ADAMTSL1: variants seen among roughly 807,000 people sequenced by gnomAD.
The protein encoded by ADAMTSL1 is ADAMTS like 1, also known as ADAMTS-like protein 1.
In ADAMTSL1, 126 loss-of-function variants were observed where a neutral mutation model predicts 201.8. The observed-to-expected ratio is 0.62, with a 90% CI of 0.54 to 0.72. The LOEUF (loss-of-function observed/expected upper bound fraction) is 0.72, where lower values mean the gene tolerates loss of function less well. Ranked by LOEUF, ADAMTSL1 falls within the 30% of genes least tolerant of loss-of-function variation. ADAMTSL1 has a pLI of 0.00. For missense variants in ADAMTSL1, 2,679 were observed against 2,277.8 expected, an observed-to-expected ratio of 1.18 and a Z score of -3.59; for synonymous variants, 1,121 against 903.4, an observed-to-expected ratio of 1.24 and a Z score of -4.32.
At chr9:18,506,310 T>C (rs1239926832) in intron 2 of ADAMTSL1, among the ~76,000 whole-genome samples, 7 of 152,246 alleles carry the variant, frequency 4.6e-5, no homozygotes, top group Non-Finnish European at 7.3e-5. Context: ...ACTGATAATA[T>C]TCATACATCA....
intron 2 of ADAMTSL1, among the ~76,000 whole-genome samples, chr9:18,225,505 T>A (rs1220855599): frequency 6.6e-6 from 1 of 152,176 alleles, no homozygotes; most frequent in Non-Finnish European, 1.5e-5. Flanking sequence ...TAGATATATT[T>A]GTTAAAATCC....
At chr9:18,516,115 A>C (rs1328008779) in intron 2 of ADAMTSL1, among the ~76,000 whole-genome samples, 1 of 152,080 alleles carries the variant, frequency 6.6e-6, no homozygotes, top group Non-Finnish European at 1.5e-5. Context: ...AGAAAAAGAA[A>C]GATTTCCTAA....
intron 2 of ADAMTSL1, among the ~76,000 whole-genome samples, chr9:18,274,766 G>A (rs1406436661): frequency 6.6e-6 from 1 of 152,144 alleles, no homozygotes; most frequent in Non-Finnish European, 1.5e-5. Context: ...ATAAAAGATA[G>A]TAAGTAAATG....
At chr9:18,026,460 A>C (rs1360550935) in intron 1 of ADAMTSL1, among the ~76,000 whole-genome samples, 2 of 152,068 alleles carry the variant, frequency 1.3e-5, no homozygotes. Flanking sequence ...GTCTATTGAG[A>C]TGATAATGTG....
At chr9:17,994,964 T>A (rs1238373839) in intron 1 of ADAMTSL1, among the ~76,000 whole-genome samples, 2 of 152,068 alleles carry the variant, frequency 1.3e-5, no homozygotes, top group Non-Finnish European at 2.9e-5. Flanking sequence ...AGAAAGAGAT[T>A]AACAATTTTT....
intron 5 of ADAMTSL1, among the ~76,000 whole-genome samples, chr9:18,632,983 C>T (rs1826872535): frequency 6.6e-6 from 1 of 152,160 alleles, no homozygotes; most frequent in African/African-American, 2.4e-5. Context: ...AATGTTACCA[C>T]ACCCTGTCTT....
chr9:18,616,222 G>T (rs1825691111), intron 4 of ADAMTSL1, among the ~76,000 whole-genome samples: 1 of 152,088 alleles, frequency 6.6e-6, no homozygotes, highest in Non-Finnish European at 1.5e-5. Flanking sequence ...ATGGGGTTTT[G>T]CCATACTGGC....
chr9:18,827,370 C>T (rs1408197100), intron 22 of ADAMTSL1, among the ~76,000 whole-genome samples: 2 of 151,926 alleles, frequency 1.3e-5, no homozygotes, highest in Non-Finnish European at 1.5e-5. Context: ...AAACTTTACA[C>T]TTCTGTTTTC....
chr9:18,237,577 G>C (rs11795249), intron 2 of ADAMTSL1, among the ~76,000 whole-genome samples: 6,159 of 152,230 alleles, frequency 0.04, 159 homozygotes, highest in Non-Finnish European at 0.055. Flanking sequence ...ACAACGTCCT[G>C]TTATATAGAA....
At position 18,512,670 on chromosome 9, in the gene ADAMTSL1, G is replaced by T. The variant is rs541828718; in HGVS notation, c.191+7714G>T. ...TGATTATAGTTGCAAGATATTTTAA[G>T]AACTAAGAGAAGTTCCCCCAGTTCT... On this transcript the variant is annotated intron_variant, in intron 2 of 28. Coordinates refer to ENST00000380548, the MANE Select transcript of ADAMTSL1 (RefSeq NM_001040272.6). Among the ~76,000 whole-genome samples the T allele has an allele frequency of 4.6e-5, 7 of 152,216 alleles. No homozygotes were observed. The South Asian group carries it at 1.2e-3, about 27-fold the overall frequency.
chr9:18,434,308 T>G (rs1380818121), intron 2 of ADAMTSL1, among the ~76,000 whole-genome samples: 2 of 152,150 alleles, frequency 1.3e-5, no homozygotes, highest in Admixed American at 1.3e-4. Flanking sequence ...AGAAATGATA[T>G]TATTCCCAGA....
At chr9:18,689,004 T>TTAGGATACATC (rs1475108155) in intron 13 of ADAMTSL1, among the ~76,000 whole-genome samples, 8 of 151,956 alleles carry the variant, frequency 5.3e-5, no homozygotes, top group Non-Finnish European at 1.0e-4. Context: ...GTTGTTAGAT[T>TTAGGATACATC]TAGGATACAT....
intron 7 of ADAMTSL1, among the ~76,000 whole-genome samples, chr9:18,646,793 G>A (rs374185513): frequency 1.3e-5 from 2 of 152,108 alleles, no homozygotes; most frequent in African/African-American, 2.4e-5. Context: ...CGGTTTGCCA[G>A]TATTTTATTG....
intron 13 of ADAMTSL1, among the ~76,000 whole-genome samples, chr9:18,687,876 A>G: frequency 6.6e-6 from 1 of 152,216 alleles, no homozygotes; most frequent in Non-Finnish European, 1.5e-5. Context: ...GTTGCAGTAA[A>G]CACCATGCAC....
intron 2 of ADAMTSL1, among the ~76,000 whole-genome samples, chr9:18,304,060 G>A (rs1314727289): frequency 6.6e-6 from 1 of 151,942 alleles, no homozygotes; most frequent in Non-Finnish European, 1.5e-5. Flanking sequence ...AATCTTTCAG[G>A]GTCTATTTAT....
At chr9:18,595,795 C>G (rs746061676) in intron 4 of ADAMTSL1, among the ~76,000 whole-genome samples, 3 of 152,206 alleles carry the variant, frequency 2.0e-5, no homozygotes, top group African/African-American at 7.2e-5. Context: ...AGGCCAAATG[C>G]GGCTGTAGCC....
intron 1 of ADAMTSL1, among the ~76,000 whole-genome samples, chr9:18,039,945 T>G (rs1456933284): frequency 1.3e-5 from 2 of 152,210 alleles, no homozygotes; most frequent in African/African-American, 2.4e-5. Flanking sequence ...TCTTTAGACA[T>G]ATGCTACTAT....
intron 22 of ADAMTSL1, among the ~76,000 whole-genome samples, chr9:18,828,315 T>C (rs906542801): frequency 3.3e-5 from 5 of 152,212 alleles, no homozygotes; most frequent in Non-Finnish European, 7.4e-5. Context: ...GGGCCAACAA[T>C]TGGCCCAAAA....
At chr9:18,535,851 T>C (rs1401645363) in intron 3 of ADAMTSL1, among the ~76,000 whole-genome samples, 1 of 152,058 alleles carries the variant, frequency 6.6e-6, no homozygotes, top group African/African-American at 2.4e-5. Flanking sequence ...ATGGGGAAAA[T>C]TGTCTGCATG....
Sources: allele counts gnomAD v4.1 joint callset (sites outside exome capture counted in the v4.1 genomes callset), GRCh38; gene constraint gnomAD v4.1.1; transcripts MANE v1.5; gene names NCBI Gene and HGNC (gene_info 2026-07-23, HGNC 2026-07-21).